ALDH3B2: variants seen among roughly 807,000 people sequenced by gnomAD.
The protein encoded by ALDH3B2 is aldehyde dehydrogenase 3 family member B2.
ALDH3B2 carries 45 observed loss-of-function variants against 36.7 expected under a neutral mutation model. That is an observed-to-expected ratio of 1.23 (90% CI 0.97 to 1.57). The LOEUF (loss-of-function observed/expected upper bound fraction) is 1.57. Ranked by LOEUF, ALDH3B2 falls within the 40% of genes most tolerant of loss-of-function variation. The probability of loss-of-function intolerance (pLI) is 0.00; values close to 1 mark genes in which losing one functional copy is unlikely to be tolerated. For missense variants in ALDH3B2, 464 were observed against 513.3 expected, an observed-to-expected ratio of 0.90 and a Z score of 0.93; for synonymous variants, 217 against 226.5, an observed-to-expected ratio of 0.96 and a Z score of 0.38.
intron 1 of ALDH3B2, among the ~76,000 whole-genome samples, chr11:67,669,314 A>G (rs1389472855): frequency 3.9e-5 from 5 of 129,734 alleles, no homozygotes; most frequent in African/African-American, 1.2e-4. Context: ...CTGTGTCTGT[A>G]TGGGTGTCTG....
rs1462080859 is a variant in ALDH3B2 at position 67,663,297 on chromosome 11, TC to T, written c.1075del (p.Glu359ArgfsTer142). On this transcript the variant is annotated frameshift_variant, in exon 10 of 10. Transcript: ENST00000349015. LOFTEE classifies it low-confidence loss of function (END_TRUNC). ...GTCGGTATAGGGTGGGTAGTGGATC[TC>T]CTTTAATTTCTCCAGGCCGGAGGGG... 1.2e-6 allele frequency: 2 copies of T among 1,614,006 alleles called. No homozygotes were observed. Among genetic ancestry groups the T allele is most frequent in the Non-Finnish European group, 1.7e-6 (2 of 1,180,006 alleles).
At chr11:67,664,765 C>T (rs1855850542) in intron 7 of ALDH3B2, among the ~76,000 whole-genome samples, 1 of 152,354 alleles carries the variant, frequency 6.6e-6, no homozygotes, top group South Asian at 2.1e-4. Flanking sequence ...CTTCCCCAGC[C>T]TGCTCAGGGC....
At chr11:67,677,987 A>T (rs1439185483), upstream of ALDH3B2, among the ~76,000 whole-genome samples, 1 of 152,246 alleles carries the variant, frequency 6.6e-6, no homozygotes, top group African/African-American at 2.4e-5. Context: ...AAATGGAAAC[A>T]CATCCCATGC....
At chr11:67,668,647 GCTGT>G (rs775387195) in intron 1 of ALDH3B2, among the ~76,000 whole-genome samples, 12 of 151,416 alleles carry the variant, frequency 7.9e-5, no homozygotes, top group South Asian at 2.1e-4. Context: ...TGTGTGTATG[GCTGT>G]CTGTCTTTGT....
At chr11:67,665,329 C>T (rs188008035) in exon 7 of ALDH3B2, 194 of 1,611,328 alleles carry the variant, frequency 1.2e-4, no homozygotes, top group Admixed American at 9.4e-4. Context: ...AATGGCCACG[C>T]GGCTGCAGCC....
chr11:67,663,672 G>A (rs754902808), exon 9 of ALDH3B2: 17 of 1,610,308 alleles, frequency 1.1e-5, no homozygotes, highest in African/African-American at 2.7e-5. Flanking sequence ...CGACTCCCCC[G>A]AATGGCACGG....
chr11:67,665,243 G>C, intron 7 of ALDH3B2, 42 bp downstream of exon 7: 2 of 1,554,870 alleles, frequency 1.3e-6, no homozygotes, highest in South Asian at 2.5e-5. Context: ...ATTGAGAAAG[G>C]GTCTTGGCCC....
chr11:67,662,803 G>T (rs372328917), exon 10 of ALDH3B2: 25 of 199,358 alleles, frequency 1.3e-4, no homozygotes, highest in African/African-American at 5.0e-4. Flanking sequence ...ATGGAAGTGC[G>T]CGTGTGCCTA....
rs1252112279 is a variant in ALDH3B2, at chr11:67,666,460, G to T, written c.152-59C>A. On this transcript the variant is annotated intron_variant, in intron 4 of 9. Coordinates refer to ENST00000349015, the Ensembl canonical transcript of ALDH3B2. ...CCCAGGGTCCCCATGCCCAACCAGG[G>T]GCTGGGCTCAGAGGGCATGTGAGGC... The T allele has an allele frequency of 1.9e-6, 3 of 1,604,266 alleles. No homozygotes were observed. The African/African-American group carries it at 4.0e-5, about 21-fold the overall frequency.
chr11:67,671,901 A>T (rs1333000454), intron 1 of ALDH3B2, among the ~76,000 whole-genome samples: 1 of 149,864 alleles, frequency 6.7e-6, no homozygotes, highest in African/African-American at 2.5e-5. Context: ...GCACATTCTG[A>T]TTGCCTCCTT....
At chr11:67,668,878 G>A (rs945201814) in intron 1 of ALDH3B2, among the ~76,000 whole-genome samples, 2 of 149,266 alleles carry the variant, frequency 1.3e-5, no homozygotes, top group Admixed American at 1.3e-4. Flanking sequence ...GTCTTTGTGT[G>A]TATGGGTGTC....
upstream of ALDH3B2, among the ~76,000 whole-genome samples, chr11:67,676,693 A>G (rs1856279804): frequency 6.6e-6 from 1 of 152,190 alleles, no homozygotes; most frequent in Admixed American, 6.5e-5. Context: ...AATAAAATTG[A>G]TAGATCATTT....
chr11:67,670,748 C>T (rs1223516914), intron 1 of ALDH3B2, among the ~76,000 whole-genome samples: 1 of 152,200 alleles, frequency 6.6e-6, no homozygotes. Context: ...GATGCCGCCT[C>T]CCTCCCCTGG....
At chr11:67,672,692 T>C (rs1163091274) in intron 1 of ALDH3B2, among the ~76,000 whole-genome samples, 1 of 149,636 alleles carries the variant, frequency 6.7e-6, no homozygotes, top group Non-Finnish European at 1.5e-5. Flanking sequence ...CAGGTTCAAA[T>C]GATTCTCCTG....
At chr11:67,663,812 C>T (rs899500913) in intron 8 of ALDH3B2, 51 bp from the exon 9 acceptor site, 2 of 1,514,166 alleles carry the variant, frequency 1.3e-6, no homozygotes, top group Admixed American at 1.8e-5. Flanking sequence ...GAGAAGAGGG[C>T]TTGAGCCCCG....
chr11:67,664,608 T>G (rs773008772), intron 7 of ALDH3B2, 46 bp from the exon 8 acceptor site: 4 of 1,604,872 alleles, frequency 2.5e-6, no homozygotes, highest in Non-Finnish European at 3.4e-6. Flanking sequence ...CAGTCAGGAC[T>G]GCCCCCAGGG....
chr11:67,665,137 A>C, intron 7 of ALDH3B2, 148 bp downstream of exon 7: 2 of 1,373,622 alleles, frequency 1.5e-6, no homozygotes, highest in Non-Finnish European at 2.0e-6. Flanking sequence ...CAGAGACGGA[A>C]TCGTGGCACC....
intron 1 of ALDH3B2, among the ~76,000 whole-genome samples, chr11:67,671,605 G>T (rs757974747): frequency 9.6e-5 from 14 of 145,358 alleles, no homozygotes; most frequent in Non-Finnish European, 1.9e-4. Context: ...GGAGTGCAAT[G>T]CTGCGATCTC....
intron 1 of ALDH3B2, among the ~76,000 whole-genome samples, chr11:67,670,753 C>T (rs984497176): frequency 9.9e-5 from 15 of 152,190 alleles, no homozygotes; most frequent in African/African-American, 3.4e-4. Context: ...CGCCTCCCTC[C>T]CCTGGGCAGC....
Sources: gnomAD v4.1 joint callset for allele counts (sites outside exome capture counted in the v4.1 genomes callset) on GRCh38, gnomAD v4.1.1 for gene constraint, MANE v1.5 for transcripts, NCBI Gene and HGNC (gene_info 2026-07-23, HGNC 2026-07-21) for gene names.